The following DMD variants were observed in gnomAD, a reference collection of about 807,000 sequenced individuals.
DMD encodes the protein dystrophin, also known as mutant dystrophin.
DMD carries 63 observed loss-of-function variants against 330.1 expected under a neutral mutation model. The ratio of observed to expected loss-of-function variants is 0.19; its 90% confidence interval spans 0.16 to 0.24. The LOEUF is 0.24. Ranked by LOEUF, DMD falls within the 10% of genes least tolerant of loss-of-function variation. The probability of loss-of-function intolerance (pLI) is 1.00; values close to 1 mark genes in which losing one functional copy is unlikely to be tolerated. For synonymous variants in DMD, 1,223 were observed against 959.8 expected (o/e 1.27, Z -5.07); for missense variants, 3,344 against 2,684.1 (o/e 1.25, Z -5.43).
At chrX:31,995,845 T>A (rs968991961) in intron 44 of DMD, among the ~76,000 whole-genome samples, 2 of 112,283 alleles carry the variant, frequency 1.8e-5, no homozygotes, top group Non-Finnish European at 3.8e-5. Context: ...AGGGGCCACA[T>A]TCATGGTGAA....
At chrX:32,475,963 T>A (rs2041192286) in intron 21 of DMD, among the ~76,000 whole-genome samples, 1 of 110,895 alleles carries the variant, frequency 9.0e-6, no homozygotes, top group Admixed American at 9.7e-5. Context: ...GAATTCTAGA[T>A]GATTATTAAT....
At position 31,680,538 on chromosome X, in the gene DMD, T is replaced by A. The variant is rs749879356; in HGVS notation, c.7661-952A>T. On this transcript the variant is annotated intron_variant, in intron 52 of 78. Transcript: ENST00000357033. ...GGCACGTGCCATCATGCCCAGCTAA[T>A]TTTTTTTTTTTGTATTTTTAATAGA... Among the ~76,000 whole-genome samples the A allele has an allele frequency of 3.9e-5, 4 of 102,064 alleles. No homozygotes were observed. In the East Asian group the frequency reaches 1.4e-3, roughly 35 times the overall value. The allele number at this position is 102,064 out of a possible 115,157, so 88.6% of individuals were successfully genotyped here. A position where few individuals can be genotyped will look rare whatever the true frequency, so the allele number is the denominator to read the frequency against.
intron 55 of DMD, among the ~76,000 whole-genome samples, chrX:31,614,666 G>A (rs930261419): frequency 8.9e-6 from 1 of 111,838 alleles, no homozygotes. Context: ...ATAACCAGGC[G>A]TAATGACTTC....
intron 37 of DMD, among the ~76,000 whole-genome samples, chrX:32,356,292 C>G (rs144413702): frequency 0.011 from 1,179 of 105,593 alleles, 15 homozygotes; most frequent in African/African-American, 0.036. Flanking sequence ...GGGAAGGTCA[C>G]TGACTCTCTC....
At chrX:33,103,595 C>T (rs2095259807) in intron 1 of DMD, among the ~76,000 whole-genome samples, 1 of 110,396 alleles carries the variant, frequency 9.1e-6, no homozygotes, top group Non-Finnish European at 1.9e-5. Flanking sequence ...GCTTATAAAA[C>T]GGCCCCACCC....
At chrX:31,765,335 C>T (rs949909897) in intron 51 of DMD, among the ~76,000 whole-genome samples, 1 of 111,381 alleles carries the variant, frequency 9.0e-6, no homozygotes, top group Non-Finnish European at 1.9e-5. Flanking sequence ...CTTTTGTGGC[C>T]ATGACTGCCC....
At chrX:32,492,812 C>T (rs771710905) in intron 19 of DMD, among the ~76,000 whole-genome samples, 5 of 111,863 alleles carry the variant, frequency 4.5e-5, no homozygotes, top group Non-Finnish European at 9.4e-5. Context: ...TGATAACTTT[C>T]TTATACTTTG....
At chrX:33,296,041 T>C (rs1453221363) in intron 1 of DMD, among the ~76,000 whole-genome samples, 3 of 111,845 alleles carry the variant, frequency 2.7e-5, no homozygotes, top group Non-Finnish European at 5.7e-5. Flanking sequence ...TATGTAACTA[T>C]CATTTCTTCA....
chrX:32,169,612 C>T (rs1048590112), intron 44 of DMD, among the ~76,000 whole-genome samples: 5 of 111,423 alleles, frequency 4.5e-5, no homozygotes, highest in African/African-American at 1.6e-4. Flanking sequence ...TAAAGAAATG[C>T]TGAAGGAGGT....
intron 62 of DMD, among the ~76,000 whole-genome samples, chrX:31,294,336 TAG>T (rs1265052986): frequency 8.9e-6 from 1 of 111,939 alleles, no homozygotes; most frequent in African/African-American, 3.2e-5. Flanking sequence ...AGTGTGATAA[TAG>T]AGGTGAAAGT....
At chrX:31,586,174 A>G (rs1281498379) in intron 55 of DMD, among the ~76,000 whole-genome samples, 1 of 112,158 alleles carries the variant, frequency 8.9e-6, no homozygotes, top group Non-Finnish European at 1.9e-5. Flanking sequence ...TCTTTCTAGA[A>G]AACAACTATG....
At chrX:31,597,791 T>C (rs1261033872) in intron 55 of DMD, among the ~76,000 whole-genome samples, 1 of 112,019 alleles carries the variant, frequency 8.9e-6, no homozygotes, top group Non-Finnish European at 1.9e-5. Flanking sequence ...ACTCCAATCA[T>C]TTTATTTCTA....
intron 60 of DMD, among the ~76,000 whole-genome samples, chrX:31,380,402 G>T (rs1051095241): frequency 1.8e-5 from 2 of 108,883 alleles, no homozygotes; most frequent in Non-Finnish European, 1.9e-5. Flanking sequence ...ACAAGCATAA[G>T]ACACCTCTAC....
chrX:31,796,753 G>C lies in DMD; in HGVS notation c.7310-22561C>G, dbSNP rs2091849958. On this transcript the variant is annotated intron_variant, in intron 50 of 78. Coordinates refer to ENST00000357033, the MANE Select transcript of DMD (RefSeq NM_004006.3). ...AGGTGGGGCTTAACGGGAAGTGTGG[G>C]GTCATGGGGGTGGATCCTTCTTGAA... is the stretch of plus-strand genomic sequence containing the variant. Among the ~76,000 whole-genome samples the C allele has an allele frequency of 2.7e-5, 3 of 111,719 alleles. No homozygotes were observed. The Admixed American group carries it at 2.9e-4, about 11-fold the overall frequency.
In DMD at chrX:31,140,223, A is replaced by T. The variant is rs2035869833; in HGVS notation, c.10922-6029T>A. Among the ~76,000 whole-genome samples, 3 of 113,006 alleles carry T rather than the reference A, an allele frequency of 2.7e-5. No individual in the cohort carries two copies. In the South Asian group the frequency reaches 1.1e-3, roughly 41 times the overall value. On this transcript the variant is annotated intron_variant, in intron 76 of 78. Coordinates refer to ENST00000357033, the MANE Select transcript of DMD (RefSeq NM_004006.3). Reference sequence around the variant, plus strand: ...ACGCTGATAATGGTTCTATCTGCTTAAAAAGTGATTTTAGCCAGAACCTAC... The same window carrying T: ...ACGCTGATAATGGTTCTATCTGCTTTAAAAGTGATTTTAGCCAGAACCTAC...
chrX:32,041,747 A>G (rs2096005465), intron 44 of DMD, among the ~76,000 whole-genome samples: 1 of 109,598 alleles, frequency 9.1e-6, no homozygotes, highest in African/African-American at 3.3e-5. Flanking sequence ...TATGTTTTGT[A>G]ACTCTCATTA....
At chrX:32,503,858 G>T (rs894347617) in intron 18 of DMD, among the ~76,000 whole-genome samples, 5 of 111,668 alleles carry the variant, frequency 4.5e-5, no homozygotes, top group African/African-American at 6.5e-5. Flanking sequence ...TGCCTGGCCT[G>T]AATAAAGGTT....
intron 59 of DMD, among the ~76,000 whole-genome samples, chrX:31,474,142 T>C (rs2067547105): frequency 8.9e-6 from 1 of 111,995 alleles, no homozygotes; most frequent in South Asian, 3.7e-4. Context: ...TTTCCATTTA[T>C]TAATTTACCA....
intron 60 of DMD, among the ~76,000 whole-genome samples, chrX:31,434,416 GCGCA>G (rs1375237158): frequency 1.4e-4 from 9 of 66,373 alleles, no homozygotes; most frequent in African/African-American, 3.0e-4. Context: ...TGCAGCGCGC[GCGCA>G]CACACACACA....
Sources: gnomAD v4.1 joint callset for allele counts (sites outside exome capture counted in the v4.1 genomes callset) on GRCh38, gnomAD v4.1.1 for gene constraint, MANE v1.5 for transcripts, NCBI Gene and HGNC (gene_info 2026-07-23, HGNC 2026-07-21) for gene names.